Variants in COL25A1 observed in about 807,000 individuals in gnomAD.
COL25A1 encodes the protein collagen alpha-1(XXV) chain.
A neutral mutation model predicts 128.4 loss-of-function variants in COL25A1; 103 were observed. The observed-to-expected ratio is 0.80, with a 90% CI of 0.68 to 0.94. The LOEUF is 0.94. Ranked by LOEUF, COL25A1 falls within the 40% of genes least tolerant of loss-of-function variation. The pLI, the probability that COL25A1 is intolerant of heterozygous loss-of-function variation, is 0.00. For missense variants in COL25A1, 745 were observed against 840.0 expected, an observed-to-expected ratio of 0.89 and a Z score of 1.40; for synonymous variants, 279 against 277.2, an observed-to-expected ratio of 1.01 and a Z score of -0.06.
intron 3 of COL25A1, among the ~76,000 whole-genome samples, chr4:109,244,583 T>C (rs1458069208): frequency 1.3e-5 from 2 of 152,194 alleles, no homozygotes; most frequent in South Asian, 2.1e-4. Flanking sequence ...TTTTCTGCTA[T>C]GCTGCACATG....
intron 3 of COL25A1, among the ~76,000 whole-genome samples, chr4:109,251,642 T>C (rs139070467): frequency 6.6e-6 from 1 of 152,314 alleles, no homozygotes; most frequent in African/African-American, 2.4e-5. Context: ...TTCATTTCAA[T>C]GGAATCATTG....
Position 108,844,917 on chromosome 4 carries a change from A to C in COL25A1, c.1578+272T>G, listed in dbSNP as rs115546122. Among the ~76,000 whole-genome samples, 1,280 of 152,320 alleles carry C rather than the reference A, an allele frequency of 8.4e-3. 18 individuals are homozygous for C. The highest frequency in any genetic ancestry group is 0.029 in the African/African-American group (1,193 of 41,570). ...AAACAAACAAGTATGTTCTATATTC[A>C]CAAAGATCTACCCATTGTTAGGAGA... On this transcript the variant is annotated intron_variant, in intron 29 of 37. Coordinates refer to ENST00000399132, the MANE Select transcript of COL25A1 (RefSeq NM_198721.4).
intron 3 of COL25A1, among the ~76,000 whole-genome samples, chr4:109,268,678 C>A (rs186188635): frequency 6.6e-6 from 1 of 152,202 alleles, no homozygotes; most frequent in East Asian, 1.9e-4. Context: ...ATGTATAAAC[C>A]AGAAGTAATT....
chr4:108,859,871 TATAA>T, intron 23 of COL25A1, 138 bp from the exon 24 acceptor site: 1 of 589,198 alleles, frequency 1.7e-6, no homozygotes, highest in Non-Finnish European at 3.0e-6. Context: ...CTTTAGAATA[TATAA>T]ATAATTATGT....
chr4:109,178,034 G>T (rs145189438), intron 3 of COL25A1, among the ~76,000 whole-genome samples: 3 of 152,160 alleles, frequency 2.0e-5, no homozygotes, highest in Non-Finnish European at 2.9e-5. Flanking sequence ...ATAGGTTTAA[G>T]TACAAACTGA....
At chr4:109,084,470 A>G (rs149690631) in intron 3 of COL25A1, among the ~76,000 whole-genome samples, 1 of 152,350 alleles carries the variant, frequency 6.6e-6, no homozygotes, top group East Asian at 1.9e-4. Flanking sequence ...CACACTTTTC[A>G]CTGCAAATTC....
intron 3 of COL25A1, among the ~76,000 whole-genome samples, chr4:109,051,769 A>G (rs1236289863): frequency 6.6e-6 from 1 of 152,184 alleles, no homozygotes; most frequent in Non-Finnish European, 1.5e-5. Context: ...TGTGGTTCAC[A>G]TGGTAGGACC....
At position 109,153,278 on chromosome 4, in the gene COL25A1, G is replaced by T. The variant is rs184394411; in HGVS notation, c.368-103099C>A. On this transcript the variant is annotated intron_variant, in intron 3 of 37. Coordinates refer to ENST00000399132, the MANE Select transcript of COL25A1 (RefSeq NM_198721.4). Reference sequence around the variant, plus strand: ...CTCATGCCTGTAATCCCAGCTACTCGGGAGGCTGAGGCAGGAGAATCAAAC... The same window carrying T: ...CTCATGCCTGTAATCCCAGCTACTCTGGAGGCTGAGGCAGGAGAATCAAAC... 3.3e-5 allele frequency among the ~76,000 whole-genome samples: 5 copies of T among 151,564 alleles called. No homozygotes were observed. In the South Asian group the frequency reaches 1.0e-3, roughly 32 times the overall value.
chr4:108,877,543 G>A (rs1375434774), intron 19 of COL25A1, among the ~76,000 whole-genome samples: 1 of 152,058 alleles, frequency 6.6e-6, no homozygotes, highest in Non-Finnish European at 1.5e-5. Flanking sequence ...TTTAAGGTAA[G>A]ATTTTTGACT....
At chr4:109,040,354 T>TA (rs773592247) in intron 5 of COL25A1, among the ~76,000 whole-genome samples, 99 of 152,280 alleles carry the variant, frequency 6.5e-4, no homozygotes, top group Non-Finnish European at 2.9e-4. Context: ...GCATTTTACA[T>TA]AGCTAGTTTG....
chr4:109,049,003 C>G (rs933209296), intron 4 of COL25A1, among the ~76,000 whole-genome samples: 1 of 151,990 alleles, frequency 6.6e-6, no homozygotes. Flanking sequence ...ATTCAATGAG[C>G]TTTAAAGGTA....
At chr4:108,863,160 G>C (rs1737465249) in intron 21 of COL25A1, among the ~76,000 whole-genome samples, 159 bp downstream of exon 21, 2 of 152,182 alleles carry the variant, frequency 1.3e-5, no homozygotes, top group South Asian at 4.1e-4. Context: ...GAGGTGAATT[G>C]TAAAATCTCT....
At chr4:108,824,086 A>C in intron 35 of COL25A1, 88 bp downstream of exon 35, 1 of 1,613,786 alleles carries the variant, frequency 6.2e-7, no homozygotes, top group Non-Finnish European at 8.5e-7. Context: ...AGAAAGATTA[A>C]GTGTCAAATG....
At chr4:109,078,863 C>T (rs923352894) in intron 3 of COL25A1, among the ~76,000 whole-genome samples, 16 of 152,178 alleles carry the variant, frequency 1.1e-4, no homozygotes, top group African/African-American at 3.9e-4. Flanking sequence ...CTACAGCACA[C>T]TGGCTTCCAA....
At chr4:108,949,259 A>C (rs903010407) in intron 8 of COL25A1, among the ~76,000 whole-genome samples, 1 of 152,214 alleles carries the variant, frequency 6.6e-6, no homozygotes, top group African/African-American at 2.4e-5. Context: ...GGGTTTCTTA[A>C]TAATAGTTAA....
intron 9 of COL25A1, 98 bp from the exon 10 acceptor site, chr4:108,940,744 T>C (rs963858655): frequency 2.5e-4 from 186 of 758,412 alleles, no homozygotes; most frequent in Non-Finnish European, 3.5e-4. Flanking sequence ...AATTCACATT[T>C]ACACTATGAA....
chr4:109,063,267 C>A (rs1343111179), intron 3 of COL25A1, among the ~76,000 whole-genome samples: 1 of 152,062 alleles, frequency 6.6e-6, no homozygotes, highest in East Asian at 1.9e-4. Context: ...CTTTGGGAGG[C>A]CAAGGCATGT....
intron 3 of COL25A1, among the ~76,000 whole-genome samples, chr4:109,251,171 A>G (rs755876964): frequency 8.5e-5 from 13 of 152,242 alleles, no homozygotes; most frequent in Non-Finnish European, 1.2e-4. Context: ...ACATACACAC[A>G]CAAACATATT....
At chr4:108,843,486 T>C (rs947089629) in intron 30 of COL25A1, among the ~76,000 whole-genome samples, 2 of 152,312 alleles carry the variant, frequency 1.3e-5, no homozygotes, top group East Asian at 3.9e-4. Context: ...CCTTCAACAT[T>C]CTAACCTTAA....
Sources: allele counts gnomAD v4.1 joint callset (sites outside exome capture counted in the v4.1 genomes callset), GRCh38; gene constraint gnomAD v4.1.1; transcripts MANE v1.5; gene names NCBI Gene and HGNC (gene_info 2026-07-23, HGNC 2026-07-21).